The following PEX14 variants were observed in gnomAD, a reference collection of about 807,000 sequenced individuals.
The protein encoded by PEX14 is peroxisomal membrane protein PEX14.
PEX14 carries 15 observed loss-of-function variants against 49.5 expected under a neutral mutation model. That is an observed-to-expected ratio of 0.30 (90% CI 0.20 to 0.47). The LOEUF is 0.47. Among genes scored for constraint, PEX14 ranks in the 20% least tolerant of loss-of-function variants. The pLI, the probability that PEX14 is intolerant of heterozygous loss-of-function variation, is 1.00. For missense variants in PEX14, 398 were observed against 494.8 expected, an observed-to-expected ratio of 0.80 and a Z score of 1.86; for synonymous variants, 210 against 212.7, an observed-to-expected ratio of 0.99 and a Z score of 0.11.
chr1:10,626,937 C>T (rs986502050), intron 7 of PEX14, among the ~76,000 whole-genome samples: 7 of 152,300 alleles, frequency 4.6e-5, no homozygotes, highest in East Asian at 1.9e-4. Context: ...CTTTCCACCC[C>T]GGACCATCTT....
chr1:10,586,791 C>G (rs1024119845), intron 3 of PEX14, among the ~76,000 whole-genome samples: 3 of 151,980 alleles, frequency 2.0e-5, no homozygotes, highest in African/African-American at 7.3e-5. Flanking sequence ...AGGTGCCCAC[C>G]ACCATGCCCA....
chr1:10,610,796 CTTTAAATGGGTATAT>C (rs930773785), intron 4 of PEX14, among the ~76,000 whole-genome samples: 2 of 151,968 alleles, frequency 1.3e-5, no homozygotes, highest in African/African-American at 4.8e-5. Context: ...TGGACTTTTT[CTTTAAATGGGTATAT>C]TTTAGACTTT....
chr1:10,590,266 G>A (rs773298625), intron 3 of PEX14, among the ~76,000 whole-genome samples: 20 of 152,318 alleles, frequency 1.3e-4, no homozygotes, highest in Non-Finnish European at 2.6e-4. Flanking sequence ...CGTGCCCCTC[G>A]GCAGGCCTGC....
chr1:10,573,956 C>G (rs918527186), intron 3 of PEX14, among the ~76,000 whole-genome samples: 2 of 152,166 alleles, frequency 1.3e-5, no homozygotes, highest in Non-Finnish European at 2.9e-5. Flanking sequence ...CAAAAATTAA[C>G]TGGGTGTTGT....
intron 1 of PEX14, among the ~76,000 whole-genome samples, chr1:10,489,206 C>G (rs1281708805): frequency 1.3e-5 from 2 of 152,162 alleles, no homozygotes; most frequent in East Asian, 3.9e-4. Flanking sequence ...GTCTCGAACT[C>G]GTGACCTCAG....
intron 1 of PEX14, among the ~76,000 whole-genome samples, chr1:10,479,650 A>G (rs867181346): frequency 2.0e-5 from 3 of 152,220 alleles, no homozygotes; most frequent in African/African-American, 7.2e-5. Flanking sequence ...GTGGAGGTTC[A>G]CTGGGTACAG....
At chr1:10,569,775 A>G (rs1414205751) in intron 3 of PEX14, among the ~76,000 whole-genome samples, 1 of 152,070 alleles carries the variant, frequency 6.6e-6, no homozygotes, top group African/African-American at 2.4e-5. Flanking sequence ...GACATTTTCC[A>G]TTGTTTTCTA....
At chr1:10,565,660 TA>T (rs1639782925) in intron 3 of PEX14, among the ~76,000 whole-genome samples, 1 of 152,244 alleles carries the variant, frequency 6.6e-6, no homozygotes, top group Non-Finnish European at 1.5e-5. Flanking sequence ...ATTAATGTTT[TA>T]AAATGGATTT....
At chr1:10,522,355 G>A (rs1056211752) in intron 2 of PEX14, among the ~76,000 whole-genome samples, 9 of 152,234 alleles carry the variant, frequency 5.9e-5, no homozygotes, top group Non-Finnish European at 1.0e-4. Flanking sequence ...CAATGGTTAG[G>A]AGGTTCAGGA....
intron 4 of PEX14, among the ~76,000 whole-genome samples, chr1:10,615,725 A>G (rs930809509): frequency 6.6e-6 from 1 of 152,210 alleles, no homozygotes; most frequent in African/African-American, 2.4e-5. Context: ...CAGTAGTAGA[A>G]AGTTGGAAAT....
rs543251537 is a variant in PEX14, at chr1:10,597,605, C to T, written c.170-1633C>T. ...TGTCTTTGGAAGGTGGTACGTGATG[C>T]GCTGTGAACCCTGGAAGCATTTTCA... On this transcript the variant is annotated intron_variant, in intron 3 of 8. Transcript: ENST00000356607. This position sits in a 1 kb window ranked among gnomAD's most constrained non-coding sequence, Gnocchi z 5.7. 5.3e-5 allele frequency among the ~76,000 whole-genome samples: 8 copies of T among 152,194 alleles called. No individual in the cohort carries two copies. Among genetic ancestry groups the T allele is most frequent in the South Asian group, 2.1e-4 (1 of 4,834 alleles).
chr1:10,527,432 G>A (rs1446896760), intron 2 of PEX14, among the ~76,000 whole-genome samples: 1 of 149,926 alleles, frequency 6.7e-6, no homozygotes, highest in Non-Finnish European at 1.5e-5. Flanking sequence ...CACAAGAATT[G>A]CTTGAACCCG....
intron 3 of PEX14, among the ~76,000 whole-genome samples, chr1:10,544,856 G>A (rs1231542804): frequency 6.6e-6 from 1 of 151,698 alleles, no homozygotes; most frequent in Admixed American, 6.6e-5. Flanking sequence ...TGACCTCCCC[G>A]GGATCAAGTG....
chr1:10,528,258 G>T (rs1191846577), intron 2 of PEX14: 8 of 950,948 alleles, frequency 8.4e-6, no homozygotes, highest in Non-Finnish European at 1.0e-5. Flanking sequence ...CAGTTCAATA[G>T]TGCATGACTA....
In PEX14 at chr1:10,629,582, C is replaced by A; in HGVS notation, c.729C>A (p.Ile243=). ...PSAPKIPSWQ[I]PVKSPSPSSP... ...CCCCGAAGATCCCCTCCTGGCAGATCCCAGTCAAGTCACCGTCACCCTCCA... is the reference window on the plus strand; with the variant it reads ...CCCCGAAGATCCCCTCCTGGCAGATACCAGTCAAGTCACCGTCACCCTCCA... Residue 243 remains isoleucine, a synonymous_variant, in exon 9 of 9, where the codon ATC becomes ATA. Coordinates refer to ENST00000356607, the MANE Select transcript of PEX14 (RefSeq NM_004565.3). The surrounding 1 kb of genome is among the most constrained non-coding windows in gnomAD (Gnocchi z 8.5). The A allele has an allele frequency of 6.2e-7, 1 of 1,614,042 alleles. No individual in the cohort carries two copies. The highest frequency in any genetic ancestry group is 8.5e-7 in the Non-Finnish European group (1 of 1,179,992).
At chr1:10,549,556 A>G in intron 3 of PEX14, among the ~76,000 whole-genome samples, 1 of 152,160 alleles carries the variant, frequency 6.6e-6, no homozygotes, top group Admixed American at 6.5e-5. Context: ...TTTCCCAATC[A>G]AAGGCTCTCC....
At chr1:10,502,200 TC>T (rs1641694003) in intron 2 of PEX14, among the ~76,000 whole-genome samples, 1 of 152,266 alleles carries the variant, frequency 6.6e-6, no homozygotes, top group African/African-American at 2.4e-5. Context: ...TATAAAGGTA[TC>T]AGTGAAGAAA....
chr1:10,511,610 C>T (rs1301419187), intron 2 of PEX14, among the ~76,000 whole-genome samples: 2 of 152,192 alleles, frequency 1.3e-5, no homozygotes, highest in East Asian at 3.8e-4. Context: ...CTCCTGACTT[C>T]TGTGGACTCT....
intron 3 of PEX14, among the ~76,000 whole-genome samples, chr1:10,567,772 GGT>G (rs1639849936): frequency 1.3e-5 from 2 of 152,318 alleles, no homozygotes; most frequent in South Asian, 4.1e-4. Context: ...TGACATTACA[GGT>G]GTGAGCCACT....
Sources: gnomAD v4.1 joint callset for allele counts (sites outside exome capture counted in the v4.1 genomes callset) on GRCh38, gnomAD v4.1.1 for gene constraint, Gnocchi (gnomAD v3.1) non-coding constraint, MANE v1.5 for transcripts, NCBI Gene and HGNC (gene_info 2026-07-23, HGNC 2026-07-21) for gene names.